The following EXOC2 variants were observed in gnomAD, a reference collection of about 807,000 sequenced individuals.
EXOC2 encodes exocyst complex component 2, also known as SEC5-like 1.
Under a neutral mutation model 131.8 loss-of-function variants are expected in EXOC2, and 70 were observed. The ratio of observed to expected loss-of-function variants is 0.53; its 90% confidence interval spans 0.44 to 0.65. The LOEUF (loss-of-function observed/expected upper bound fraction) is 0.65. EXOC2 is among the 30% of genes least tolerant of loss of function. The probability of loss-of-function intolerance (pLI) is 0.00; values close to 1 mark genes in which losing one functional copy is unlikely to be tolerated. For missense variants in EXOC2, 923 were observed against 1,108.6 expected (o/e 0.83, Z 2.38); for synonymous variants, 411 against 398.4 (o/e 1.03, Z -0.38).
chr6:522,393 GCA>G (rs1220146815), intron 23 of EXOC2, among the ~76,000 whole-genome samples: 1 of 150,558 alleles, frequency 6.6e-6, no homozygotes. Flanking sequence ...CGTGTGGGGA[GCA>G]CTGTGAGCTG....
At chr6:591,707 G>C (rs756160100) in intron 11 of EXOC2, among the ~76,000 whole-genome samples, 10 of 152,112 alleles carry the variant, frequency 6.6e-5, no homozygotes, top group Non-Finnish European at 1.0e-4. Context: ...CTTGTCTGTT[G>C]TCCTGACTAC....
At chr6:523,762 T>C (rs1035493102) in intron 23 of EXOC2, among the ~76,000 whole-genome samples, 1 of 152,224 alleles carries the variant, frequency 6.6e-6, no homozygotes, top group African/African-American at 2.4e-5. Context: ...TAGCTCACTA[T>C]AACCCTGAAG....
chr6:556,791 T>C (rs1251628594), intron 17 of EXOC2, among the ~76,000 whole-genome samples: 1 of 152,234 alleles, frequency 6.6e-6, no homozygotes, highest in African/African-American at 2.4e-5. Context: ...AAAGTATATC[T>C]AATTCAACTA....
intron 1 of EXOC2, among the ~76,000 whole-genome samples, chr6:660,283 A>G (rs1763366192): frequency 6.6e-6 from 1 of 150,656 alleles, no homozygotes; most frequent in Non-Finnish European, 1.5e-5. Context: ...CCCTCTCCAC[A>G]CTACTACAGC....
chr6:665,642 G>C (rs1763610520), intron 1 of EXOC2, among the ~76,000 whole-genome samples: 1 of 152,172 alleles, frequency 6.6e-6, no homozygotes, highest in Non-Finnish European at 1.5e-5. Flanking sequence ...ACGTGGATGA[G>C]ATTGGAGACT....
chr6:569,227 T>C (rs1039314110), intron 13 of EXOC2, among the ~76,000 whole-genome samples: 2 of 151,934 alleles, frequency 1.3e-5, no homozygotes, highest in African/African-American at 4.9e-5. Context: ...TTAAGATATA[T>C]CTAAAGGTGA....
chr6:541,504 A>C (rs577328488), intron 22 of EXOC2, among the ~76,000 whole-genome samples: 3 of 152,370 alleles, frequency 2.0e-5, no homozygotes, highest in Non-Finnish European at 4.4e-5. Flanking sequence ...CTCTGGCAAG[A>C]AACAAAGAAT....
chr6:620,945 C>T (rs909798116), intron 4 of EXOC2, among the ~76,000 whole-genome samples: 1 of 152,114 alleles, frequency 6.6e-6, no homozygotes, highest in Non-Finnish European at 1.5e-5. Flanking sequence ...GTCTTGGGGG[C>T]ATTTTCACGG....
At chr6:601,029 T>C (rs1289223674) in intron 7 of EXOC2, among the ~76,000 whole-genome samples, 1 of 152,102 alleles carries the variant, frequency 6.6e-6, no homozygotes, top group African/African-American at 2.4e-5. Flanking sequence ...TTTGTGCAAA[T>C]AGATAAAAAT....
At chr6:619,578 G>A (rs1319878777) in intron 4 of EXOC2, 35 bp from the exon 5 acceptor site, 1 of 1,480,446 alleles carries the variant, frequency 6.8e-7, no homozygotes, top group Admixed American at 1.7e-5. Flanking sequence ...ATATTTCAAT[G>A]GTTATTATGA....
chr6:490,202 C>T (rs1259170927), intron 26 of EXOC2, among the ~76,000 whole-genome samples: 4 of 152,212 alleles, frequency 2.6e-5, no homozygotes, highest in Non-Finnish European at 1.5e-5. Context: ...ATTTAACACC[C>T]TCAAAAGCTT....
chr6:692,891 G>A (rs1467638672), intron 1 of EXOC2, 128 bp downstream of exon 1: 1 of 151,944 alleles, frequency 6.6e-6, no homozygotes, highest in Non-Finnish European at 1.5e-5. Flanking sequence ...GGTGACCGAC[G>A]GCGCCAGTGG....
chr6:675,494 T>C (rs914823528), intron 1 of EXOC2, among the ~76,000 whole-genome samples: 4 of 151,890 alleles, frequency 2.6e-5, no homozygotes, highest in African/African-American at 7.3e-5. Flanking sequence ...CATCAACCCA[T>C]TGCTTTAAAC....
At chr6:639,486 C>T (rs1305011527) in intron 1 of EXOC2, among the ~76,000 whole-genome samples, 1 of 139,916 alleles carries the variant, frequency 7.1e-6, no homozygotes, top group East Asian at 2.2e-4. Context: ...GTGTGCAAGC[C>T]CCTCCTGCCC....
chr6:625,954 C>A (rs1293633825), intron 4 of EXOC2, among the ~76,000 whole-genome samples: 2 of 152,154 alleles, frequency 1.3e-5, no homozygotes, highest in African/African-American at 2.4e-5. Flanking sequence ...CCCATAAATA[C>A]CCTCTTGTTA....
chr6:626,734 T>A (rs943989788), intron 4 of EXOC2, among the ~76,000 whole-genome samples: 1 of 151,952 alleles, frequency 6.6e-6, no homozygotes, highest in African/African-American at 2.4e-5. Flanking sequence ...TGAGATTACA[T>A]GCGCCTGCCA....
chr6:533,158 G>A (rs1766201365), intron 22 of EXOC2, among the ~76,000 whole-genome samples: 1 of 152,160 alleles, frequency 6.6e-6, no homozygotes, highest in African/African-American at 2.4e-5. Flanking sequence ...GACACGTGGG[G>A]ATTATGGGGA....
At chr6:675,553 C>T (rs4604311) in intron 1 of EXOC2, among the ~76,000 whole-genome samples, 13,625 of 34,200 alleles carry the variant, frequency 0.4, 2,624 homozygotes, top group East Asian at 0.81. Context: ...CTCTGAGGTT[C>T]CCCATACTCT....
intron 13 of EXOC2, among the ~76,000 whole-genome samples, chr6:565,404 A>G (rs1199180209): frequency 3.3e-5 from 5 of 152,240 alleles, no homozygotes; most frequent in Non-Finnish European, 4.4e-5. Flanking sequence ...GATAAAATAC[A>G]TTCTATCATT....
Sources: allele counts gnomAD v4.1 joint callset (sites outside exome capture counted in the v4.1 genomes callset), GRCh38; gene constraint gnomAD v4.1.1; transcripts MANE v1.5; gene names NCBI Gene and HGNC (gene_info 2026-07-23, HGNC 2026-07-21).